Variants in CTNNA3 observed in about 807,000 individuals in gnomAD.
CTNNA3 encodes the protein catenin alpha 3.
CTNNA3 carries 76 observed loss-of-function variants against 95.7 expected under a neutral mutation model. The observed-to-expected ratio is 0.79, with a 90% CI of 0.66 to 0.96. The LOEUF is 0.96. Among genes scored for constraint, CTNNA3 ranks in the 40% least tolerant of loss-of-function variants. The pLI is 0.00. For synonymous variants in CTNNA3, 431 were observed against 374.4 expected, an observed-to-expected ratio of 1.15 and a Z score of -1.74; for missense variants, 1,191 against 1,089.8, an observed-to-expected ratio of 1.09 and a Z score of -1.31.
At chr10:67,571,660 G>A (rs964693462) in intron 3 of CTNNA3, among the ~76,000 whole-genome samples, 2 of 152,140 alleles carry the variant, frequency 1.3e-5, no homozygotes, top group Non-Finnish European at 2.9e-5. Context: ...GGAGGTTCTT[G>A]TGCAACTGAT....
chr10:66,884,454 C>T (rs1212463403), intron 7 of CTNNA3, among the ~76,000 whole-genome samples: 1 of 152,034 alleles, frequency 6.6e-6, no homozygotes, highest in South Asian at 2.1e-4. Flanking sequence ...AGCCAGCTGG[C>T]CTATCAAAAG....
intron 7 of CTNNA3, chr10:67,177,050 GA>G (rs1042436049): frequency 4.4e-6 from 2 of 451,246 alleles, no homozygotes; most frequent in Admixed American, 2.5e-5. Context: ...AGCAGCAATA[GA>G]AAACTAACCA....
At chr10:66,734,735 C>T (rs1047784748) in intron 9 of CTNNA3, among the ~76,000 whole-genome samples, 11 of 151,954 alleles carry the variant, frequency 7.2e-5, no homozygotes, top group Admixed American at 2.6e-4. Context: ...TGGTGGCAGG[C>T]GCCTGTAATT....
At chr10:66,913,728 A>G (rs980290183) in intron 7 of CTNNA3, among the ~76,000 whole-genome samples, 3 of 152,162 alleles carry the variant, frequency 2.0e-5, no homozygotes, top group African/African-American at 7.2e-5. Flanking sequence ...AAAGATGGGG[A>G]CTGATCTTCA....
At chr10:66,247,446 T>C (rs562102535) in intron 13 of CTNNA3, among the ~76,000 whole-genome samples, 157 of 152,260 alleles carry the variant, frequency 1.0e-3, no homozygotes, top group African/African-American at 3.6e-3. Context: ...AAGGATAATT[T>C]CAGAGAACTT....
chr10:66,857,240 T>A (rs1338487364), intron 7 of CTNNA3, among the ~76,000 whole-genome samples: 1 of 152,124 alleles, frequency 6.6e-6, no homozygotes, highest in Non-Finnish European at 1.5e-5. Context: ...CTGGGCTCTC[T>A]ATTCTGTTTC....
intron 9 of CTNNA3, among the ~76,000 whole-genome samples, chr10:66,731,030 A>G (rs893370003): frequency 6.6e-6 from 1 of 152,222 alleles, no homozygotes; most frequent in Non-Finnish European, 1.5e-5. Flanking sequence ...TCTTTTGGAT[A>G]ATTATTATGG....
intron 11 of CTNNA3, among the ~76,000 whole-genome samples, chr10:66,515,963 T>C (rs1589364116): frequency 2.7e-5 from 4 of 148,444 alleles, no homozygotes; most frequent in East Asian, 4.2e-4. Flanking sequence ...TATTTGCTAT[T>C]AAACACATCT....
intron 2 of CTNNA3, among the ~76,000 whole-genome samples, chr10:67,621,525 G>A (rs573937184): frequency 1.4e-4 from 21 of 152,152 alleles, no homozygotes; most frequent in South Asian, 8.3e-4. Flanking sequence ...TGAGGCAGAC[G>A]GATCACGAGG....
chr10:66,263,557 T>G (rs553096165), intron 13 of CTNNA3, among the ~76,000 whole-genome samples: 43 of 152,016 alleles, frequency 2.8e-4, no homozygotes, highest in African/African-American at 1.0e-3. Flanking sequence ...AAGGACAACA[T>G]AAAGTAACCC....
chr10:66,938,762 A>G (rs148032192), intron 7 of CTNNA3, among the ~76,000 whole-genome samples: 325 of 152,280 alleles, frequency 2.1e-3, no homozygotes, highest in African/African-American at 7.5e-3. Context: ...TTCCTGTGAT[A>G]GTTACCAAAG....
intron 10 of CTNNA3, among the ~76,000 whole-genome samples, chr10:66,583,545 T>C (rs918103536): frequency 5.3e-5 from 8 of 151,886 alleles, no homozygotes; most frequent in Non-Finnish European, 8.8e-5. Flanking sequence ...TTTTCATTTA[T>C]AATTAGTCTT....
At chr10:67,270,017 A>G (rs1226728357) in intron 5 of CTNNA3, among the ~76,000 whole-genome samples, 1 of 152,054 alleles carries the variant, frequency 6.6e-6, no homozygotes, top group Non-Finnish European at 1.5e-5. Context: ...TTAATACAGA[A>G]CTGAGAATAA....
rs550934010 is a variant in CTNNA3, at chr10:65,912,851, A to T, written c.*7479T>A. On this transcript the variant is annotated 3_prime_UTR_variant, in exon 18 of 18. Transcript: ENST00000433211. ...ATTGATTGGCAAAAATACTTTAAGG[A>T]TAAATATGGACCAGAAAGGCCTACA... 42 of 152,296 alleles carry T rather than the reference A, an allele frequency of 2.8e-4. No homozygotes were observed. The highest frequency in any genetic ancestry group is 9.9e-4 in the African/African-American group (41 of 41,572). 9.4% of individuals were successfully genotyped at this position (152,296 alleles called of 1,614,324 possible).
intron 13 of CTNNA3, among the ~76,000 whole-genome samples, chr10:66,271,452 A>T: frequency 6.6e-6 from 1 of 152,240 alleles, no homozygotes; most frequent in East Asian, 1.9e-4. Context: ...AATAAAACTT[A>T]CTAGATTGAA....
At chr10:67,524,148 A>G (rs190131011) in intron 4 of CTNNA3, among the ~76,000 whole-genome samples, 654 of 152,326 alleles carry the variant, frequency 4.3e-3, no homozygotes, top group Non-Finnish European at 6.5e-3. Context: ...TCACGCCTGT[A>G]ATCCCAGCAC....
chr10:66,316,048 A>C (rs1391784446), intron 12 of CTNNA3, among the ~76,000 whole-genome samples: 3 of 152,130 alleles, frequency 2.0e-5, no homozygotes, highest in Admixed American at 6.6e-5. Flanking sequence ...CTCCCATGGC[A>C]TGTTTCTGGT....
chr10:67,001,878 C>A (rs1163473160), intron 7 of CTNNA3, among the ~76,000 whole-genome samples: 3 of 152,174 alleles, frequency 2.0e-5, no homozygotes, highest in Admixed American at 2.0e-4. Flanking sequence ...TACCAAGGAG[C>A]TTGCTCATTC....
intron 11 of CTNNA3, among the ~76,000 whole-genome samples, chr10:66,398,874 C>A (rs995970215): frequency 1.3e-5 from 2 of 152,026 alleles, no homozygotes; most frequent in Non-Finnish European, 2.9e-5. Flanking sequence ...GTGTTATTAT[C>A]TCAGCAACCT....
Sources: allele counts gnomAD v4.1 joint callset (sites outside exome capture counted in the v4.1 genomes callset), GRCh38; gene constraint gnomAD v4.1.1; transcripts MANE v1.5; gene names NCBI Gene and HGNC (gene_info 2026-07-23, HGNC 2026-07-21).